Variants in VPS8 observed in about 807,000 individuals in gnomAD.
The protein encoded by VPS8 is VPS8 subunit of CORVET complex.
VPS8 carries 129 observed loss-of-function variants against 216.4 expected under a neutral mutation model. The ratio of observed to expected loss-of-function variants is 0.60; its 90% confidence interval spans 0.52 to 0.69. The LOEUF is 0.69. Among genes scored for constraint, VPS8 ranks in the 30% least tolerant of loss-of-function variants. The probability of loss-of-function intolerance (pLI) is 0.00; values close to 1 mark genes in which losing one functional copy is unlikely to be tolerated. For synonymous variants in VPS8, 571 were observed against 565.4 expected, an observed-to-expected ratio of 1.01 and a Z score of -0.14; for missense variants, 1,531 against 1,683.5, an observed-to-expected ratio of 0.91 and a Z score of 1.59.
In VPS8 at chr3:185,025,880, G is replaced by A. The variant is rs140945143; in HGVS notation, c.4056+1491G>A. ...TGCTTATTTATCTGAGTGACCTTGT[G>A]TAAATTGGCCCCTCTGTTTCGTCTT... On this transcript the variant is annotated intron_variant, in intron 46 of 47. Transcript: ENST00000625842. Among the ~76,000 whole-genome samples the A allele has an allele frequency of 5.9e-4, 90 of 152,310 alleles. 3 individuals carry two copies. In the Middle Eastern group the frequency reaches 0.017, roughly 29 times the overall value.
At chr3:184,830,180 G>A (rs187718831) in intron 3 of VPS8, among the ~76,000 whole-genome samples, 2 of 152,112 alleles carry the variant, frequency 1.3e-5, no homozygotes, top group East Asian at 3.9e-4. Context: ...GGGTGTGATA[G>A]TGTGAGCTAT....
At chr3:184,864,006 T>C (rs1726875065) in intron 16 of VPS8, among the ~76,000 whole-genome samples, 1 of 152,176 alleles carries the variant, frequency 6.6e-6, no homozygotes, top group Non-Finnish European at 1.5e-5. Context: ...TTCCATACTT[T>C]ATTTTCTTGT....
chr3:184,986,911 T>C (rs928981111), intron 42 of VPS8, among the ~76,000 whole-genome samples: 3 of 152,184 alleles, frequency 2.0e-5, no homozygotes, highest in African/African-American at 7.2e-5. Flanking sequence ...TTACAATTGG[T>C]GAATTAATAT....
At chr3:184,863,211 G>A (rs1164900063) in intron 16 of VPS8, 144 bp downstream of exon 16, 1 of 892,930 alleles carries the variant, frequency 1.1e-6, no homozygotes, top group Non-Finnish European at 1.7e-6. Context: ...AGGTTGAAGT[G>A]GGTGTGGATG....
intron 42 of VPS8, among the ~76,000 whole-genome samples, chr3:184,988,353 G>A (rs542738059): frequency 3.3e-5 from 5 of 152,204 alleles, no homozygotes; most frequent in East Asian, 3.9e-4. Flanking sequence ...GAAAATATAT[G>A]GTCAGTGTTG....
At chr3:184,834,565 G>A (rs559487355) in intron 4 of VPS8, 84 bp from the exon 5 acceptor site, 34 of 1,007,268 alleles carry the variant, frequency 3.4e-5, no homozygotes, top group East Asian at 5.4e-5. Flanking sequence ...CTTTTTGTGC[G>A]TGTGTGTTTT....
chr3:184,895,461 A>G lies in VPS8; in HGVS notation c.2004+536A>G, dbSNP rs564812893. ...AATAGCCAGCCATTGTTTGATAAAT[A>G]CTTCCGCTGTATCTGAGGTTCTCAC... is the stretch of plus-strand genomic sequence containing the variant. On this transcript the variant is annotated intron_variant, in intron 23 of 47. Coordinates refer to ENST00000625842, the MANE Select transcript of VPS8 (RefSeq NM_001009921.3). Among the ~76,000 whole-genome samples, 3 of 152,016 alleles carry G rather than the reference A, an allele frequency of 2.0e-5. No individual in the cohort carries two copies. The East Asian group carries it at 5.8e-4, about 30-fold the overall frequency.
chr3:184,831,656 A>G (rs1404592797), intron 3 of VPS8, among the ~76,000 whole-genome samples: 1 of 151,772 alleles, frequency 6.6e-6, no homozygotes, highest in Admixed American at 6.6e-5. Flanking sequence ...GAAACCTTGT[A>G]CTCTTCTGTG....
intron 45 of VPS8, among the ~76,000 whole-genome samples, chr3:185,015,014 A>T (rs1353369778): frequency 2.6e-5 from 4 of 152,230 alleles, no homozygotes; most frequent in Admixed American, 2.6e-4. Flanking sequence ...ACGAGGGAAC[A>T]TGTATGACAT....
At chr3:184,849,320 G>A (rs1204589366) in intron 9 of VPS8, 125 bp downstream of exon 9, 7 of 1,126,888 alleles carry the variant, frequency 6.2e-6, no homozygotes, top group South Asian at 3.4e-5. Flanking sequence ...GAGCTAACCA[G>A]AGATTGCTGA....
At chr3:184,932,045 G>A (rs1740781817) in intron 34 of VPS8, among the ~76,000 whole-genome samples, 2 of 152,112 alleles carry the variant, frequency 1.3e-5, no homozygotes, top group African/African-American at 2.4e-5. Context: ...TTGCTGACTA[G>A]TTTTTCCCAC....
chr3:184,942,945 G>C (rs1348654305), intron 36 of VPS8, among the ~76,000 whole-genome samples: 1 of 152,108 alleles, frequency 6.6e-6, no homozygotes, highest in East Asian at 1.9e-4. Flanking sequence ...AAAGAAAAAA[G>C]AGGAAGTTCT....
At chr3:184,941,907 A>T (rs796081419) in intron 36 of VPS8, among the ~76,000 whole-genome samples, 2 of 138,980 alleles carry the variant, frequency 1.4e-5, no homozygotes, top group Admixed American at 6.9e-5. Flanking sequence ...TTTTTTATTT[A>T]AAAAAAAAAA....
intron 8 of VPS8, 53 bp downstream of exon 8, chr3:184,843,298 G>T (rs1722528688): frequency 7.7e-7 from 1 of 1,299,416 alleles, no homozygotes; most frequent in Non-Finnish European, 1.0e-6. Flanking sequence ...TCTTTTTAAT[G>T]TTGGAAGAGA....
chr3:184,821,658 C>T (rs568772487), intron 1 of VPS8, among the ~76,000 whole-genome samples: 82 of 152,102 alleles, frequency 5.4e-4, no homozygotes, highest in African/African-American at 1.7e-3. Flanking sequence ...GCCTCTACTT[C>T]GTTTTTTTAG....
intron 40 of VPS8, chr3:184,982,303 A>C (rs1750340379): frequency 4.6e-6 from 2 of 430,606 alleles, no homozygotes; most frequent in Non-Finnish European, 8.2e-6. Flanking sequence ...CGAGGCCTAG[A>C]CTTACTTAAC....
intron 23 of VPS8, among the ~76,000 whole-genome samples, 178 bp downstream of exon 23, chr3:184,895,103 A>C (rs1733145826): frequency 6.6e-6 from 1 of 152,210 alleles, no homozygotes; most frequent in Admixed American, 6.5e-5. Flanking sequence ...GACTGTATTT[A>C]AGTGAAAGCT....
intron 36 of VPS8, 47 bp downstream of exon 36, chr3:184,940,290 GAGAAATA>G: frequency 4.8e-6 from 2 of 415,350 alleles, no homozygotes; most frequent in Non-Finnish European, 6.5e-6. Context: ...ATATATATAT[GAGAAATA>G]AAAGGAAATA....
chr3:184,963,923 C>G (rs1271647600), intron 37 of VPS8, among the ~76,000 whole-genome samples: 1 of 151,752 alleles, frequency 6.6e-6, no homozygotes, highest in Admixed American at 6.6e-5. Context: ...GTTATTTGTT[C>G]TAATAAACAT....
Sources: gnomAD v4.1 joint callset for allele counts (sites outside exome capture counted in the v4.1 genomes callset) on GRCh38, gnomAD v4.1.1 for gene constraint, MANE v1.5 for transcripts, NCBI Gene and HGNC (gene_info 2026-07-23, HGNC 2026-07-21) for gene names.